TNPO3: variants seen among roughly 807,000 people sequenced by gnomAD.
TNPO3 encodes transportin 3, also known as transportin-3.
In TNPO3, 65 loss-of-function variants were observed where a neutral mutation model predicts 122.8. The ratio of observed to expected loss-of-function variants is 0.53; its 90% CI spans 0.43 to 0.65. TNPO3 has a LOEUF of 0.65. Among genes scored for constraint, TNPO3 ranks in the 30% least tolerant of loss-of-function variants. The pLI is 0.00. For synonymous variants in TNPO3, 372 were observed against 411.2 expected (o/e 0.90, Z 1.15); for missense variants, 850 against 1,136.7 (o/e 0.75, Z 3.63).
chr7:129,048,322 A>G (rs1316428742), intron 1 of TNPO3, among the ~76,000 whole-genome samples: 2 of 152,200 alleles, frequency 1.3e-5, no homozygotes, highest in Admixed American at 1.3e-4. Context: ...TAAGGCCAGG[A>G]GTTTGAGACA....
chr7:129,040,761 TACTC>T (rs1807279143), intron 1 of TNPO3, among the ~76,000 whole-genome samples: 1 of 152,152 alleles, frequency 6.6e-6, no homozygotes, highest in Non-Finnish European at 1.5e-5. Flanking sequence ...ATCATTGACT[TACTC>T]TTGTGCAAAT....
At chr7:129,041,846 G>T in intron 1 of TNPO3, 1 of 566,680 alleles carries the variant, frequency 1.8e-6, no homozygotes, top group Non-Finnish European at 2.2e-6. Context: ...TGAATATGAG[G>T]CAGGCTATGG....
intron 13 of TNPO3, among the ~76,000 whole-genome samples, chr7:128,983,642 T>C (rs949435577): frequency 2.0e-5 from 3 of 152,218 alleles, no homozygotes; most frequent in Non-Finnish European, 4.4e-5. Flanking sequence ...AACTTAAACA[T>C]TCCTTTCTGC....
intron 1 of TNPO3, among the ~76,000 whole-genome samples, chr7:129,042,663 C>T (rs1054970637): frequency 1.4e-4 from 21 of 151,796 alleles, no homozygotes; most frequent in African/African-American, 4.4e-4. Context: ...ATAATTTTCT[C>T]GGACAGTGGG....
At chr7:129,020,614 A>AT (rs1053207542) in intron 1 of TNPO3, among the ~76,000 whole-genome samples, 4 of 151,732 alleles carry the variant, frequency 2.6e-5, no homozygotes, top group Non-Finnish European at 4.4e-5. Flanking sequence ...TAATTTTTGT[A>AT]TTTTTTTGTA....
chr7:128,979,545 T>C (rs182442169), intron 15 of TNPO3, among the ~76,000 whole-genome samples: 63 of 152,360 alleles, frequency 4.1e-4, no homozygotes, highest in African/African-American at 1.2e-3. Flanking sequence ...GTATTTAGTG[T>C]TGATGTAATT....
rs1339472374 is a variant in TNPO3, at chr7:128,980,004, T to C, written c.1887A>G (p.Gly629=). 1.9e-6 allele frequency: 3 copies of C among 1,614,136 alleles called. No homozygotes were observed. The Admixed American group carries it at 5.0e-5, about 27-fold the overall frequency. Residue 629 remains glycine (G), a synonymous_variant, in exon 15 of 23, where the codon GGA becomes GGG. Transcript: ENST00000265388. ...TGACTTTCTGACACGGATGAGTCTG[T>C]CCATTTTCCACAATGGGATTGGTAT... ...FRHTNPIVEN[G]QTHPCQKVIQ...
At chr7:128,984,086 C>T (rs1053831300) in intron 13 of TNPO3, 82 bp downstream of exon 13, 3 of 813,424 alleles carry the variant, frequency 3.7e-6, no homozygotes, top group Admixed American at 3.5e-5. Flanking sequence ...GACAAAAGAT[C>T]TGTAAATAAG....
intron 14 of TNPO3, 36 bp downstream of exon 14, chr7:128,982,212 T>C (rs1246874029): frequency 1.3e-6 from 2 of 1,576,932 alleles, no homozygotes; most frequent in Non-Finnish European, 1.7e-6. Context: ...TTTGAGCCTT[T>C]AACCCAAGTA....
intron 21 of TNPO3, among the ~76,000 whole-genome samples, chr7:128,960,681 C>T (rs1205188750): frequency 6.6e-6 from 1 of 151,292 alleles, no homozygotes; most frequent in Non-Finnish European, 1.5e-5. Flanking sequence ...GGTGTTATTA[C>T]AAAGGAGTCC....
chr7:128,975,093 T>C (rs918050389), intron 17 of TNPO3, 131 bp from the exon 18 acceptor site: 2 of 688,102 alleles, frequency 2.9e-6, no homozygotes, highest in African/African-American at 1.8e-5. Flanking sequence ...AAGAAAAAGA[T>C]TGTAATGAGA....
At chr7:129,004,642 GT>G in intron 5 of TNPO3, among the ~76,000 whole-genome samples, 1 of 152,034 alleles carries the variant, frequency 6.6e-6, no homozygotes, top group Non-Finnish European at 1.5e-5. Flanking sequence ...TTCCTGTTCT[GT>G]TTTTTCCTAA....
chr7:129,048,462 G>A (rs760567436), intron 1 of TNPO3, among the ~76,000 whole-genome samples: 4 of 152,032 alleles, frequency 2.6e-5, no homozygotes, highest in East Asian at 1.9e-4. Flanking sequence ...CCCAGGAGGC[G>A]GAGGTTGCAG....
At chr7:128,983,663 C>G (rs905256984) in intron 13 of TNPO3, among the ~76,000 whole-genome samples, 17 of 152,340 alleles carry the variant, frequency 1.1e-4, no homozygotes, top group Admixed American at 1.1e-3. Flanking sequence ...TAGCTCCAAG[C>G]TTTTTGTTCC....
At chr7:129,010,928 CAA>C (rs34945917) in intron 4 of TNPO3, among the ~76,000 whole-genome samples, 12 of 147,992 alleles carry the variant, frequency 8.1e-5, no homozygotes, top group South Asian at 6.4e-4. Flanking sequence ...TCTATATCTA[CAA>C]AAAAAAAAAA....
intron 7 of TNPO3, among the ~76,000 whole-genome samples, chr7:128,998,033 A>C (rs1801523148): frequency 6.7e-6 from 1 of 148,352 alleles, no homozygotes. Context: ...TTTTTAGTAG[A>C]AACAGGGCCT....
chr7:129,027,887 G>T (rs1805445677), intron 1 of TNPO3, among the ~76,000 whole-genome samples: 1 of 152,146 alleles, frequency 6.6e-6, no homozygotes, highest in African/African-American at 2.4e-5. Context: ...GGGACCCAGT[G>T]AAGGAAACAA....
At position 129,005,037 on chromosome 7, in the gene TNPO3, T is replaced by C; in HGVS notation, c.675A>G (p.Leu225=). 6.2e-7 allele frequency: 1 copy of C among 1,613,530 alleles called. No homozygotes were observed. Among genetic ancestry groups the C allele is most frequent in the South Asian group, 1.1e-5 (1 of 90,916 alleles). The change falls in exon 5 of 23, where the codon CTA becomes CTG. Residue 225 remains leucine (L), a synonymous_variant. Transcript: ENST00000265388. ...TTACCAAAACCTCAAAAAGGAGTGC[T>C]AGTAATTTATTGTTAGCCATGAAGT... The part of the protein sequence containing the change: ...DSNFMANNKL[L]ALLFEVLQQD...
intron 16 of TNPO3, 99 bp downstream of exon 16, chr7:128,978,884 G>C (rs762588362): frequency 1.4e-6 from 2 of 1,428,636 alleles, no homozygotes; most frequent in Non-Finnish European, 1.9e-6. Context: ...CACCTGCATA[G>C]GCCTCCCAAA....
Sources: gnomAD v4.1 joint callset for allele counts (sites outside exome capture counted in the v4.1 genomes callset) on GRCh38, gnomAD v4.1.1 for gene constraint, MANE v1.5 for transcripts, NCBI Gene and HGNC (gene_info 2026-07-23, HGNC 2026-07-21) for gene names.